Variants in PLXNA4 observed in about 807,000 individuals in gnomAD.
PLXNA4 encodes plexin-A4.
Under a neutral mutation model 191.8 loss-of-function variants are expected in PLXNA4, and 44 were observed. That is an observed-to-expected ratio of 0.23 (90% CI 0.18 to 0.29). The LOEUF (loss-of-function observed/expected upper bound fraction) is 0.29. Among genes scored for constraint, PLXNA4 ranks in the 10% least tolerant of loss-of-function variants. The pLI is 1.00. For missense variants in PLXNA4, 1,800 were observed against 2,488.8 expected (o/e 0.72, Z 5.89); for synonymous variants, 1,082 against 1,009.5 (o/e 1.07, Z -1.36).
At chr7:132,415,721 C>G (rs1425829685) in intron 3 of PLXNA4, among the ~76,000 whole-genome samples, 1 of 152,124 alleles carries the variant, frequency 6.6e-6, no homozygotes, top group East Asian at 1.9e-4. Context: ...TTATTTTCAT[C>G]AATACAGCAA....
intron 3 of PLXNA4, among the ~76,000 whole-genome samples, chr7:132,320,161 G>T (rs1239039849): frequency 6.6e-6 from 1 of 152,168 alleles, no homozygotes; most frequent in Non-Finnish European, 1.5e-5. Context: ...ATTTGCCGGG[G>T]GTGCCATAAC....
At chr7:132,482,459 C>G (rs1797377031) in intron 3 of PLXNA4, among the ~76,000 whole-genome samples, 1 of 152,154 alleles carries the variant, frequency 6.6e-6, no homozygotes, top group Non-Finnish European at 1.5e-5. Flanking sequence ...AGACTCTTCC[C>G]CATTCTGGTC....
intron 1 of PLXNA4, among the ~76,000 whole-genome samples, chr7:132,574,561 G>GGT (rs1802137334): frequency 1.3e-5 from 2 of 152,226 alleles, no homozygotes; most frequent in South Asian, 4.2e-4. Context: ...ATATATATTG[G>GGT]GTGTGTGTGT....
chr7:132,567,894 C>A (rs902410230), intron 1 of PLXNA4, among the ~76,000 whole-genome samples: 1 of 152,216 alleles, frequency 6.6e-6, no homozygotes. Context: ...GGCAGAAACC[C>A]TAATGCAGGC....
rs565863184 is a variant in PLXNA4, at chr7:132,316,923, G to C, written c.1372-18701C>G. ...GCCTAGCTGTGTTGTGCTGGGGTTG[G>C]GTTGGATTGGATTGAGTTGTATTGT... is the stretch of plus-strand genomic sequence containing the variant. On this transcript the variant is annotated intron_variant, in intron 3 of 31. Coordinates refer to ENST00000321063, the MANE Select transcript of PLXNA4 (RefSeq NM_020911.2). Among the ~76,000 whole-genome samples the C allele has an allele frequency of 7.9e-5, 12 of 152,268 alleles. No homozygotes were observed. The East Asian group carries it at 1.5e-3, about 20-fold the overall frequency.
intron 31 of PLXNA4, among the ~76,000 whole-genome samples, chr7:132,132,471 T>C (rs1487045022): frequency 3.5e-5 from 2 of 57,950 alleles, no homozygotes; most frequent in Non-Finnish European, 6.7e-5. Context: ...TGTTCTGCTC[T>C]GCTCTGCTCT....
chr7:132,502,566 G>A (rs1004787998), intron 2 of PLXNA4, among the ~76,000 whole-genome samples: 12 of 152,218 alleles, frequency 7.9e-5, no homozygotes, highest in South Asian at 2.1e-4. Context: ...GATCACAAAC[G>A]CCCTACAATA....
chr7:132,326,834 A>T (rs1252180840), intron 3 of PLXNA4, among the ~76,000 whole-genome samples: 1 of 149,258 alleles, frequency 6.7e-6, no homozygotes, highest in East Asian at 2.0e-4. Flanking sequence ...TGTCTGTTTC[A>T]CTCCCCACAG....
At chr7:132,210,219 G>C (rs1031675408) in intron 10 of PLXNA4, among the ~76,000 whole-genome samples, 1 of 152,216 alleles carries the variant, frequency 6.6e-6, no homozygotes, top group Non-Finnish European at 1.5e-5. Flanking sequence ...AAGAAAGAGA[G>C]AGACCAGAGC....
intron 3 of PLXNA4, among the ~76,000 whole-genome samples, chr7:132,431,375 C>T (rs150921391): frequency 6.6e-6 from 1 of 152,272 alleles, no homozygotes; most frequent in Non-Finnish European, 1.5e-5. Context: ...CCTCAGGAAG[C>T]TGACATACAC....
chr7:132,249,227 G>T (rs527424807), intron 4 of PLXNA4, among the ~76,000 whole-genome samples: 1 of 152,214 alleles, frequency 6.6e-6, no homozygotes, highest in African/African-American at 2.4e-5. Flanking sequence ...ATCCAGTCCT[G>T]CTCTGCCTTA....
chr7:132,445,309 G>C, intron 3 of PLXNA4, among the ~76,000 whole-genome samples: 1 of 151,650 alleles, frequency 6.6e-6, no homozygotes, highest in East Asian at 1.9e-4. Flanking sequence ...AAAGAGACTT[G>C]TCTGGGGCAA....
chr7:132,165,780 G>A (rs1292286149), intron 22 of PLXNA4, among the ~76,000 whole-genome samples: 1 of 152,094 alleles, frequency 6.6e-6, no homozygotes, highest in Non-Finnish European at 1.5e-5. Context: ...AATAAAGGTG[G>A]CAGGAGAAGG....
intron 16 of PLXNA4, among the ~76,000 whole-genome samples, chr7:132,184,282 T>G (rs1796805171): frequency 6.6e-6 from 1 of 152,226 alleles, no homozygotes; most frequent in South Asian, 2.1e-4. Flanking sequence ...GCCTCTCAGC[T>G]GCCTATGAGA....
intron 5 of PLXNA4, among the ~76,000 whole-genome samples, chr7:132,229,639 G>T (rs2116988245): frequency 6.6e-6 from 1 of 152,292 alleles, no homozygotes; most frequent in Middle Eastern, 3.4e-3. Context: ...ATTTTGCAGA[G>T]GAAGGAAGAT....
chr7:132,476,471 C>A (rs1479244636), intron 3 of PLXNA4, among the ~76,000 whole-genome samples: 1 of 152,204 alleles, frequency 6.6e-6, no homozygotes, highest in Non-Finnish European at 1.5e-5. Context: ...TGCAGGATAG[C>A]TTCCTCCACT....
chr7:132,420,922 C>T (rs1296474405), intron 3 of PLXNA4, among the ~76,000 whole-genome samples: 1 of 152,198 alleles, frequency 6.6e-6, no homozygotes, highest in Admixed American at 6.5e-5. Context: ...TTTGAGGTCT[C>T]CCCAGCCATG....
chr7:132,213,329 C>T (rs953461146), intron 9 of PLXNA4, among the ~76,000 whole-genome samples: 2 of 152,158 alleles, frequency 1.3e-5, no homozygotes, highest in African/African-American at 4.8e-5. Context: ...GTACTTAACG[C>T]CACTGAACTA....
chr7:132,421,582 T>C (rs553582920), intron 3 of PLXNA4, among the ~76,000 whole-genome samples: 2 of 152,198 alleles, frequency 1.3e-5, no homozygotes, highest in East Asian at 3.9e-4. Flanking sequence ...GCTAAAGTTT[T>C]TTTTTTTTAC....
Sources: gnomAD v4.1 joint callset for allele counts (sites outside exome capture counted in the v4.1 genomes callset) on GRCh38, gnomAD v4.1.1 for gene constraint, MANE v1.5 for transcripts, NCBI Gene and HGNC (gene_info 2026-07-23, HGNC 2026-07-21) for gene names.